LOC128462377: variants seen among roughly 807,000 people sequenced by gnomAD.
chr16:89,347,572 C>A, the LOC128462377 span, among the ~76,000 whole-genome samples: 3 of 146,922 alleles, frequency 2.0e-5, no homozygotes, highest in South Asian at 6.3e-4. Context: ...GATCACGCCA[C>A]TGCATTCCAG....
At chr16:89,330,656 CT>C in the LOC128462377 span, among the ~76,000 whole-genome samples, 1 of 4,298 alleles carries the variant, frequency 2.3e-4, no homozygotes, top group African/African-American at 1.4e-3. Context: ...AGTACAGTGA[CT>C]GGGGGGGGGG....
At chr16:89,323,946 ATGTT>A in the LOC128462377 span, 1 of 218,796 alleles carries the variant, frequency 4.6e-6, no homozygotes, top group Non-Finnish European at 9.2e-6. Flanking sequence ...TACGGTTTGA[ATGTT>A]TGTGTCGGCC....
chr16:89,408,798 T>G, the LOC128462377 span, among the ~76,000 whole-genome samples: 1 of 152,222 alleles, frequency 6.6e-6, no homozygotes, highest in Non-Finnish European at 1.5e-5. Flanking sequence ...TTTTGAGGCC[T>G]ACATTCCTCT....
At chr16:89,324,830 G>A in the LOC128462377 span, 1 of 285,516 alleles carries the variant, frequency 3.5e-6, no homozygotes. Flanking sequence ...CTGGCTTCCT[G>A]GCTCCTCAGC....
At chr16:89,323,007 C>A in the LOC128462377 span, 1 of 299,470 alleles carries the variant, frequency 3.3e-6, no homozygotes, top group South Asian at 2.7e-5. Flanking sequence ...CCATGCCCGG[C>A]TAATTTCTGT....
the LOC128462377 span, among the ~76,000 whole-genome samples, chr16:89,348,686 T>C: frequency 6.6e-6 from 1 of 152,184 alleles, no homozygotes; most frequent in Admixed American, 6.5e-5. Context: ...GTTTAAGTCT[T>C]TTGAAGAATT....
chr16:89,325,414 G>T, the LOC128462377 span, among the ~76,000 whole-genome samples: 12 of 150,452 alleles, frequency 8.0e-5, no homozygotes, highest in African/African-American at 2.5e-4. Context: ...CTCCAGCCCG[G>T]GCGTCAGAGC....
At chr16:89,392,502 GC>G in the LOC128462377 span, 4 of 152,008 alleles carry the variant, frequency 2.6e-5, no homozygotes, top group Non-Finnish European at 4.4e-5. Flanking sequence ...CAATGGGTCT[GC>G]CAGTTCATGT....
At chr16:89,335,066 GAAC>G in the LOC128462377 span, among the ~76,000 whole-genome samples, 6 of 152,110 alleles carry the variant, frequency 3.9e-5, no homozygotes, top group Non-Finnish European at 8.8e-5. Context: ...ATACCGCAAA[GAAC>G]AATAAAAAAC....
the LOC128462377 span, among the ~76,000 whole-genome samples, chr16:89,375,546 G>A: frequency 6.6e-6 from 1 of 151,710 alleles, no homozygotes; most frequent in Non-Finnish European, 1.5e-5. Context: ...TGCAACCTCT[G>A]CCTCCCAGGC....
the LOC128462377 span, among the ~76,000 whole-genome samples, chr16:89,332,693 G>T: frequency 6.6e-6 from 1 of 152,196 alleles, no homozygotes; most frequent in East Asian, 1.9e-4. Context: ...ACCAGGCAGG[G>T]CTCTCCTCCG....
the LOC128462377 span, among the ~76,000 whole-genome samples, chr16:89,369,659 A>T: frequency 6.6e-6 from 1 of 152,180 alleles, no homozygotes; most frequent in Non-Finnish European, 1.5e-5. Flanking sequence ...CCTTGTGGTG[A>T]CGCAAGGGTT....
At chr16:89,386,523 G>A in the LOC128462377 span, among the ~76,000 whole-genome samples, 1 of 152,188 alleles carries the variant, frequency 6.6e-6, no homozygotes, top group Non-Finnish European at 1.5e-5. Flanking sequence ...GGGAAAGGGG[G>A]CTCTTCTCTG....
At chr16:89,340,711 A>G in the LOC128462377 span, among the ~76,000 whole-genome samples, 1 of 152,260 alleles carries the variant, frequency 6.6e-6, no homozygotes, top group Non-Finnish European at 1.5e-5. Context: ...AATAAAAACT[A>G]TAAACTCAAG....
At chr16:89,348,586 T>C in the LOC128462377 span, among the ~76,000 whole-genome samples, 1 of 152,206 alleles carries the variant, frequency 6.6e-6, no homozygotes, top group African/African-American at 2.4e-5. Flanking sequence ...GAAGGTTTCT[T>C]TGTGGGAAGG....
the LOC128462377 span, among the ~76,000 whole-genome samples, chr16:89,347,542 T>C: frequency 6.9e-6 from 1 of 144,070 alleles, no homozygotes; most frequent in Non-Finnish European, 1.5e-5. Context: ...ACCTGGGAGA[T>C]GGAGGTTGCA....
chr16:89,356,097 G>A, the LOC128462377 span, among the ~76,000 whole-genome samples: 2 of 152,186 alleles, frequency 1.3e-5, no homozygotes, highest in Non-Finnish European at 1.5e-5. Flanking sequence ...ATACAAGAAA[G>A]AATCTGGAAA....
At chr16:89,392,141 G>C in the LOC128462377 span, among the ~76,000 whole-genome samples, 2 of 152,144 alleles carry the variant, frequency 1.3e-5, no homozygotes, top group African/African-American at 4.8e-5. Flanking sequence ...ACAGCAGTTG[G>C]TATAAAAAAA....
At chr16:89,403,405 G>A in the LOC128462377 span, among the ~76,000 whole-genome samples, 5 of 152,152 alleles carry the variant, frequency 3.3e-5, no homozygotes, top group African/African-American at 9.7e-5. Flanking sequence ...CAGAGCACAC[G>A]CAGGTGAGGG....
Sources: gnomAD v4.1 joint callset for allele counts (sites outside exome capture counted in the v4.1 genomes callset) on GRCh38, gnomAD v4.1.1 for gene constraint, MANE v1.5 for transcripts.